Variants in PIP5K1A observed in about 807,000 individuals in gnomAD.
PIP5K1A encodes the protein phosphatidylinositol 4-phosphate 5-kinase type-1 alpha.
In PIP5K1A, 46 loss-of-function variants were observed where a neutral mutation model predicts 72.9. That is an observed-to-expected ratio of 0.63 (90% confidence interval 0.50 to 0.81). The LOEUF (loss-of-function observed/expected upper bound fraction) is 0.81. PIP5K1A is among the 30% of genes least tolerant of loss of function. The pLI is 0.00. For missense variants in PIP5K1A, 458 were observed against 706.1 expected (o/e 0.65, Z 3.98); for synonymous variants, 228 against 255.1 (o/e 0.89, Z 1.01).
At chr1:151,208,211 C>CA (rs752661759) in intron 1 of PIP5K1A, among the ~76,000 whole-genome samples, 2 of 152,042 alleles carry the variant, frequency 1.3e-5, no homozygotes, top group Non-Finnish European at 2.9e-5. Context: ...GAGGTGACCC[C>CA]AGGACTGGTA....
chr1:151,200,280 T>G lies in PIP5K1A; in HGVS notation c.85+1199T>G, dbSNP rs74828774. ...TACGCTGTATCAGGAGATTGGAATT[T>G]GGAGAATGGAGCCAGGTTAATGTAG... On this transcript the variant is annotated intron_variant, in intron 1 of 15. Transcript: ENST00000368888. 4.4e-3 allele frequency among the ~76,000 whole-genome samples: 673 copies of G among 151,938 alleles called. 6 individuals are homozygous for G. Among genetic ancestry groups the G allele is most frequent in the African/African-American group, 0.015 (621 of 41,428 alleles).
intron 14 of PIP5K1A, 145 bp from the exon 15 acceptor site, chr1:151,246,775 A>C (rs1692569631): frequency 1.7e-6 from 1 of 595,386 alleles, no homozygotes; most frequent in African/African-American, 1.9e-5. Context: ...TTCTAAATCT[A>C]GTAGCTTCTC....
intron 1 of PIP5K1A, among the ~76,000 whole-genome samples, chr1:151,205,302 G>A (rs1437771237): frequency 6.6e-6 from 1 of 151,998 alleles, no homozygotes; most frequent in Non-Finnish European, 1.5e-5. Flanking sequence ...CAGCCTCCTA[G>A]GTCACTAGGA....
At chr1:151,206,252 A>T (rs766004571) in intron 1 of PIP5K1A, among the ~76,000 whole-genome samples, 2 of 152,112 alleles carry the variant, frequency 1.3e-5, no homozygotes, top group Non-Finnish European at 2.9e-5. Context: ...TTCAGTATGT[A>T]TTAATTTACA....
rs770513636 is a variant in PIP5K1A at position 151,239,978 on chromosome 1, A to G, written c.1302A>G (p.Pro434=). 4.3e-6 allele frequency: 7 copies of G among 1,612,924 alleles called. No homozygotes were observed. The highest frequency in any genetic ancestry group is 5.9e-6 in the Non-Finnish European group (7 of 1,179,302). Residue 434 remains proline (P), a synonymous_variant, in exon 12 of 16, where the codon CCA becomes CCG. Coordinates refer to ENST00000368888, the MANE Select transcript of PIP5K1A (RefSeq NM_001135638.2). The part of the protein sequence containing the change: ...HDGDTVSVHR[P]GFYAERFQRF... ...AGGACACTGTCTCAGTGCATCGCCC[A>G]GGCTTCTACGCTGAACGGTTCCAGC...
rs371491094 is a variant in PIP5K1A, at chr1:151,241,064, G to A, written c.1363+1025G>A. 1.8e-4 allele frequency among the ~76,000 whole-genome samples: 27 copies of A among 152,304 alleles called. 2 individuals are homozygous for A. The South Asian group carries it at 5.6e-3, about 32-fold the overall frequency. On this transcript the variant is annotated intron_variant, in intron 12 of 15. Transcript: ENST00000368888. ...TGTAATCTCAGCTACTCAGGAGGCTGAGGCAGGAGAATCACTTGAACACGG... is the reference window on the plus strand; with the variant it reads ...TGTAATCTCAGCTACTCAGGAGGCTAAGGCAGGAGAATCACTTGAACACGG...
chr1:151,205,812 G>A (rs899688962), intron 1 of PIP5K1A, among the ~76,000 whole-genome samples: 5 of 151,960 alleles, frequency 3.3e-5, no homozygotes, highest in African/African-American at 1.2e-4. Context: ...AAAAGAAAAG[G>A]GAACAAGAAA....
In PIP5K1A at chr1:151,198,601, C is replaced by G; in HGVS notation, c.-396C>G. ...TGAAGCGGCCGGGTTGGGCGATTAACAGGCCGTGGTTAGGAAGGACGGAGA... is the reference window on the plus strand; with the variant it reads ...TGAAGCGGCCGGGTTGGGCGATTAAGAGGCCGTGGTTAGGAAGGACGGAGA... On this transcript the variant is annotated 5_prime_UTR_variant, in exon 1 of 16. Coordinates refer to ENST00000368888, the MANE Select transcript of PIP5K1A (RefSeq NM_001135638.2). 1 of 211,680 alleles carries G rather than the reference C, an allele frequency of 4.7e-6. No homozygotes were observed. Among genetic ancestry groups the G allele is most frequent in the Non-Finnish European group, 9.6e-6 (1 of 103,748 alleles). The allele number at this position is 211,680 out of a possible 1,614,324, so 13.1% of individuals were successfully genotyped here. A position where few individuals can be genotyped will look rare whatever the true frequency, so the allele number is the denominator to read the frequency against.
chr1:151,215,163 T>G (rs1687406704), intron 1 of PIP5K1A, among the ~76,000 whole-genome samples: 1 of 151,564 alleles, frequency 6.6e-6, no homozygotes, highest in African/African-American at 2.4e-5. Flanking sequence ...CCCGAGTAGC[T>G]GGGATTACAG....
chr1:151,206,712 C>T (rs587725396), intron 1 of PIP5K1A, among the ~76,000 whole-genome samples: 4 of 152,158 alleles, frequency 2.6e-5, no homozygotes, highest in East Asian at 1.9e-4. Context: ...ACTACAGGCA[C>T]GTGCCACCAC....
Position 151,239,966 on chromosome 1 carries a change from A to C in PIP5K1A, c.1290A>C (p.Ser430=). The part of the protein sequence containing the change: ...KALVHDGDTV[S]VHRPGFYAER... Reference sequence around the variant, plus strand: ...CTTCTGCTCTGCAGGACACTGTCTCAGTGCATCGCCCAGGCTTCTACGCTG... The same window carrying C: ...CTTCTGCTCTGCAGGACACTGTCTCCGTGCATCGCCCAGGCTTCTACGCTG... The change falls in exon 12 of 16, where the codon TCA becomes TCC. Residue 430 remains serine, a synonymous_variant. Coordinates refer to ENST00000368888, the MANE Select transcript of PIP5K1A (RefSeq NM_001135638.2). 1 of 1,612,414 alleles carries C rather than the reference A, an allele frequency of 6.2e-7. No homozygotes were observed. Among genetic ancestry groups the C allele is most frequent in the Non-Finnish European group, 8.5e-7 (1 of 1,178,696 alleles).
At chr1:151,217,314 C>T (rs1570832909) in intron 1 of PIP5K1A, among the ~76,000 whole-genome samples, 1 of 152,078 alleles carries the variant, frequency 6.6e-6, no homozygotes, top group Non-Finnish European at 1.5e-5. Flanking sequence ...TTCAGGTGTT[C>T]TGATTTCAGA....
In PIP5K1A at chr1:151,246,500, G is replaced by A. The variant is rs587615783; in HGVS notation, c.1641-420G>A. ...AGGGGCTAGAGCATGAGTCCAAGAAGAAGATACAGTATTTTTGTAATCTAA... is the reference window on the plus strand; with the variant it reads ...AGGGGCTAGAGCATGAGTCCAAGAAAAAGATACAGTATTTTTGTAATCTAA... On this transcript the variant is annotated intron_variant, in intron 14 of 15. Coordinates refer to ENST00000368888, the MANE Select transcript of PIP5K1A (RefSeq NM_001135638.2). Among the ~76,000 whole-genome samples, 9 of 152,212 alleles carry A rather than the reference G, an allele frequency of 5.9e-5. No homozygotes were observed. The East Asian group carries it at 1.7e-3, about 30-fold the overall frequency.
chr1:151,199,470 G>A (rs1012774844), intron 1 of PIP5K1A, among the ~76,000 whole-genome samples: 2 of 151,924 alleles, frequency 1.3e-5, no homozygotes, highest in African/African-American at 4.8e-5. Flanking sequence ...AAAATTATCC[G>A]GACAGTAGTG....
At chr1:151,228,515 GCT>G (rs1558274757) in intron 4 of PIP5K1A, among the ~76,000 whole-genome samples, 1 of 152,054 alleles carries the variant, frequency 6.6e-6, no homozygotes, top group Non-Finnish European at 1.5e-5. Context: ...GCTTTTTTGA[GCT>G]CTGAATATCA....
chr1:151,196,009 C>T (rs1572100979), upstream of PIP5K1A, among the ~76,000 whole-genome samples: 1 of 146,992 alleles, frequency 6.8e-6, no homozygotes, highest in Non-Finnish European at 1.5e-5. Flanking sequence ...ATTCTCCTGC[C>T]TCAGCCTCCC....
upstream of PIP5K1A, among the ~76,000 whole-genome samples, chr1:151,196,927 C>A (rs1028867788): frequency 1.4e-5 from 2 of 140,760 alleles, no homozygotes. Context: ...ATGGCGCGAT[C>A]TTGGCTCACT....
intron 1 of PIP5K1A, among the ~76,000 whole-genome samples, chr1:151,215,317 C>T (rs1687431740): frequency 1.3e-5 from 2 of 150,656 alleles, no homozygotes; most frequent in Admixed American, 6.6e-5. Flanking sequence ...GGATTACAGG[C>T]GTGAGCCACC....
chr1:151,232,156 C>T, intron 5 of PIP5K1A, 92 bp from the exon 6 acceptor site: 1 of 834,214 alleles, frequency 1.2e-6, no homozygotes, highest in Admixed American at 1.8e-5. Flanking sequence ...CCCACTCCCC[C>T]CACCATGAGG....
Sources: gnomAD v4.1 joint callset for allele counts (sites outside exome capture counted in the v4.1 genomes callset) on GRCh38, gnomAD v4.1.1 for gene constraint, MANE v1.5 for transcripts, NCBI Gene and HGNC (gene_info 2026-07-23, HGNC 2026-07-21) for gene names.